Variants in ADGRB3 observed in about 807,000 individuals in gnomAD.
ADGRB3 encodes brain-specific angiogenesis inhibitor 3.
Under a neutral mutation model 193.4 loss-of-function variants are expected in ADGRB3, and 37 were observed. The ratio of observed to expected loss-of-function variants is 0.19; its 90% CI spans 0.15 to 0.25. The LOEUF is 0.25. Ranked by LOEUF, ADGRB3 falls within the 10% of genes least tolerant of loss-of-function variation. The pLI is 1.00. For missense variants in ADGRB3, 1,637 were observed against 1,852.9 expected (o/e 0.88, Z 2.14); for synonymous variants, 690 against 644.2 (o/e 1.07, Z -1.08).
At chr6:69,070,135 G>T (rs963089513) in intron 16 of ADGRB3, among the ~76,000 whole-genome samples, 9 of 152,060 alleles carry the variant, frequency 5.9e-5, no homozygotes, top group African/African-American at 2.2e-4. Context: ...CCTTCTTCAT[G>T]CCCTTAGCTG....
At chr6:69,356,470 G>C (rs1228930944) in intron 28 of ADGRB3, among the ~76,000 whole-genome samples, 1 of 152,042 alleles carries the variant, frequency 6.6e-6, no homozygotes, top group African/African-American at 2.4e-5. Context: ...TGTAATAATG[G>C]AAGTGTGTTT....
intron 3 of ADGRB3, among the ~76,000 whole-genome samples, chr6:68,866,286 A>G (rs930247888): frequency 3.3e-5 from 5 of 152,136 alleles, no homozygotes; most frequent in African/African-American, 1.2e-4. Context: ...TCAATGAGAT[A>G]TGATGGTTCA....
chr6:68,994,771 A>G lies in ADGRB3; in HGVS notation c.1929+809A>G, dbSNP rs534543267. The stretch of plus-strand genomic sequence containing the variant: ...TCTCTGCATAAAGTTCATTAAAATA[A>G]AGATTTGGCAAAACTCCCAGATTAG... On this transcript the variant is annotated intron_variant, in intron 11 of 31. Transcript: ENST00000370598. Among the ~76,000 whole-genome samples, 86 of 152,316 alleles carry G rather than the reference A, an allele frequency of 5.6e-4. 1 individual carries two copies. The South Asian group carries it at 0.018, about 31-fold the overall frequency.
chr6:69,024,053 A>C (rs1300143537), intron 13 of ADGRB3, among the ~76,000 whole-genome samples: 1 of 152,210 alleles, frequency 6.6e-6, no homozygotes, highest in Admixed American at 6.5e-5. Context: ...CACATTTGGT[A>C]ATCAACTACA....
chr6:69,355,929 A>G (rs1582653347), intron 28 of ADGRB3, 69 bp downstream of exon 28: 1 of 1,333,688 alleles, frequency 7.5e-7, no homozygotes, highest in East Asian at 2.3e-5. Context: ...TTTTAATTTT[A>G]AAGAAAATGC....
chr6:69,204,849 A>G (rs1409082871), intron 17 of ADGRB3, among the ~76,000 whole-genome samples: 1 of 152,136 alleles, frequency 6.6e-6, no homozygotes, highest in Non-Finnish European at 1.5e-5. Flanking sequence ...TTTATTTTAT[A>G]ACCCCAATAT....
At chr6:68,945,372 A>T (rs2150251861) in intron 6 of ADGRB3, among the ~76,000 whole-genome samples, 1 of 152,270 alleles carries the variant, frequency 6.6e-6, no homozygotes, top group Non-Finnish European at 1.5e-5. Flanking sequence ...GTTAACCAGT[A>T]CTAGAAAATC....
intron 8 of ADGRB3, among the ~76,000 whole-genome samples, chr6:68,965,718 T>C (rs1448203549): frequency 6.6e-6 from 1 of 152,172 alleles, no homozygotes; most frequent in African/African-American, 2.4e-5. Context: ...GATTTTTATA[T>C]CTTTGCACTA....
At position 68,956,734 on chromosome 6, in the gene ADGRB3, G is replaced by C; in HGVS notation, c.1450G>C (p.Gly484Arg). 1.9e-6 allele frequency: 3 copies of C among 1,614,024 alleles called. No homozygotes were observed. The highest frequency in any genetic ancestry group is 2.5e-6 in the Non-Finnish European group (3 of 1,179,978). Residue 484 changes from glycine (G) to arginine (R), a missense_variant, in exon 8 of 32, where the codon GGT (glycine) becomes CGT (arginine). Coordinates refer to ENST00000370598, the MANE Select transcript of ADGRB3 (RefSeq NM_001704.3). Reference protein sequence around the residue: ...GWERRIRTCQGAVITGQQCEG... With the variant: ...GWERRIRTCQRAVITGQQCEG... ...GGAAAGGCGAATAAGGACCTGTCAG[G>C]GTGCAGTGATAACAGGGCAGCAATG...
At chr6:68,835,260 C>T (rs1415229010) in intron 3 of ADGRB3, among the ~76,000 whole-genome samples, 1 of 152,024 alleles carries the variant, frequency 6.6e-6, no homozygotes, top group Non-Finnish European at 1.5e-5. Context: ...AGGGTCTAGG[C>T]GATTTGACTT....
At chr6:68,713,473 C>T (rs1261167576) in intron 3 of ADGRB3, among the ~76,000 whole-genome samples, 1 of 151,502 alleles carries the variant, frequency 6.6e-6, no homozygotes, top group East Asian at 2.0e-4. Context: ...TTGATTTCTG[C>T]CTCCATCTTT....
At chr6:68,864,910 G>A (rs1474188869) in intron 3 of ADGRB3, among the ~76,000 whole-genome samples, 1 of 152,062 alleles carries the variant, frequency 6.6e-6, no homozygotes, top group Non-Finnish European at 1.5e-5. Flanking sequence ...GATTACAGCA[G>A]GGCCATTTTT....
At chr6:68,984,795 A>G (rs1046089165) in intron 10 of ADGRB3, among the ~76,000 whole-genome samples, 8 of 152,252 alleles carry the variant, frequency 5.3e-5, no homozygotes, top group African/African-American at 1.9e-4. Context: ...GAAAAAAGAT[A>G]CTTTCTCCTT....
chr6:68,707,208 C>T (rs533903068), intron 3 of ADGRB3, among the ~76,000 whole-genome samples: 3 of 151,468 alleles, frequency 2.0e-5, no homozygotes, highest in South Asian at 2.1e-4. Context: ...TTTTCATTTT[C>T]GTATGGTCTA....
At chr6:69,006,435 C>G (rs1431071999) in intron 11 of ADGRB3, among the ~76,000 whole-genome samples, 1 of 151,900 alleles carries the variant, frequency 6.6e-6, no homozygotes, top group Non-Finnish European at 1.5e-5. Context: ...TTTGAACACT[C>G]TTTGGATTTT....
chr6:69,173,074 G>C (rs1202431230), intron 17 of ADGRB3, among the ~76,000 whole-genome samples: 1 of 152,172 alleles, frequency 6.6e-6, no homozygotes, highest in African/African-American at 2.4e-5. Context: ...GTCTCACTCT[G>C]TCGCCCAGGC....
At chr6:68,917,173 C>T (rs2150240437) in intron 3 of ADGRB3, among the ~76,000 whole-genome samples, 1 of 152,186 alleles carries the variant, frequency 6.6e-6, no homozygotes, top group Middle Eastern at 3.4e-3. Context: ...ATTGACAGGA[C>T]ATGGAGTTGG....
chr6:69,353,702 T>C (rs910045944), intron 26 of ADGRB3, among the ~76,000 whole-genome samples: 5 of 152,170 alleles, frequency 3.3e-5, no homozygotes, highest in African/African-American at 9.7e-5. Context: ...CTTCCCTCTA[T>C]AGGTTATGGC....
intron 3 of ADGRB3, among the ~76,000 whole-genome samples, chr6:68,752,841 G>T (rs1766227052): frequency 6.6e-6 from 1 of 152,156 alleles, no homozygotes; most frequent in South Asian, 2.1e-4. Context: ...ACACTTGTGA[G>T]ATATTTCAGT....
Sources: gnomAD v4.1 joint callset for allele counts (sites outside exome capture counted in the v4.1 genomes callset) on GRCh38, gnomAD v4.1.1 for gene constraint, MANE v1.5 for transcripts, NCBI Gene and HGNC (gene_info 2026-07-23, HGNC 2026-07-21) for gene names.